The following C8orf34 variants were observed in gnomAD, a reference collection of about 807,000 sequenced individuals.
The protein encoded by C8orf34 is chromosome 8 open reading frame 34.
Under a neutral mutation model 68.3 loss-of-function variants are expected in C8orf34, and 65 were observed. That is an observed-to-expected ratio of 0.95 (90% CI 0.78 to 1.17). C8orf34 has a LOEUF of 1.17. Among genes scored for constraint, C8orf34 ranks in the 50% most tolerant of loss-of-function variants. C8orf34 has a pLI of 0.00. For synonymous variants in C8orf34, 244 were observed against 241.2 expected (o/e 1.01, Z -0.11); for missense variants, 664 against 655.4 (o/e 1.01, Z -0.14).
chr8:68,695,471 C>T (rs1463476555), intron 8 of C8orf34, among the ~76,000 whole-genome samples: 1 of 152,062 alleles, frequency 6.6e-6, no homozygotes, highest in African/African-American at 2.4e-5. Context: ...TTTATAAGTA[C>T]ATCTTCAATG....
chr8:68,499,813 A>G (rs898570408), intron 5 of C8orf34, among the ~76,000 whole-genome samples: 2 of 152,172 alleles, frequency 1.3e-5, no homozygotes, highest in Non-Finnish European at 2.9e-5. Context: ...GAATATTGAT[A>G]TAGGATGTTT....
chr8:68,731,984 T>A (rs545442699), intron 10 of C8orf34, among the ~76,000 whole-genome samples: 2 of 152,344 alleles, frequency 1.3e-5, no homozygotes, highest in South Asian at 4.1e-4. Context: ...AGCAGCCTAT[T>A]CTGGGTTCAC....
chr8:68,753,712 A>T (rs1822769117), intron 10 of C8orf34, among the ~76,000 whole-genome samples: 1 of 152,226 alleles, frequency 6.6e-6, no homozygotes, highest in Non-Finnish European at 1.5e-5. Context: ...AATGTAGTTT[A>T]CTGAGATAGG....
intron 7 of C8orf34, chr8:68,535,838 GAT>G (rs1489980552): frequency 1.0e-6 from 1 of 978,070 alleles, no homozygotes; most frequent in African/African-American, 1.8e-5. Flanking sequence ...GAATTTTTAA[GAT>G]ATAATCATTT....
At chr8:68,743,527 C>A (rs538551898) in intron 10 of C8orf34, among the ~76,000 whole-genome samples, 12 of 152,296 alleles carry the variant, frequency 7.9e-5, no homozygotes, top group Admixed American at 5.2e-4. Flanking sequence ...TGGGTGCGCA[C>A]ACCGTGCGCA....
intron 12 of C8orf34, among the ~76,000 whole-genome samples, chr8:68,807,309 G>A (rs1824515865): frequency 6.6e-6 from 1 of 152,158 alleles, no homozygotes; most frequent in Non-Finnish European, 1.5e-5. Flanking sequence ...TTACACATAT[G>A]CTAGACATTC....
At chr8:68,534,133 A>G in intron 7 of C8orf34, 1 of 984,836 alleles carries the variant, frequency 1.0e-6, no homozygotes, top group African/African-American at 1.7e-5. Context: ...TATATTGCTT[A>G]TCATTTTTGC....
chr8:68,485,520 T>C (rs922880644), intron 4 of C8orf34, among the ~76,000 whole-genome samples: 1 of 151,934 alleles, frequency 6.6e-6, no homozygotes, highest in African/African-American at 2.4e-5. Flanking sequence ...GAGACCAGCC[T>C]GGTCAACATG....
chr8:68,475,752 A>G (rs2129630465), intron 4 of C8orf34, among the ~76,000 whole-genome samples: 1 of 152,350 alleles, frequency 6.6e-6, no homozygotes, highest in Middle Eastern at 3.4e-3. Context: ...TTCGTGAGGC[A>G]CTATTCCCAG....
chr8:68,367,903 AAAAG>A (rs1807358850), intron 1 of C8orf34, among the ~76,000 whole-genome samples: 1 of 113,282 alleles, frequency 8.8e-6, no homozygotes, highest in African/African-American at 3.4e-5. Flanking sequence ...GTATAATAAA[AAAAG>A]AAAAGAAAAA....
At chr8:68,383,548 GT>G (rs1376372326) in intron 1 of C8orf34, among the ~76,000 whole-genome samples, 3 of 152,156 alleles carry the variant, frequency 2.0e-5, no homozygotes, top group African/African-American at 7.2e-5. Context: ...GGTCTAGAAT[GT>G]TTCTCTAAGG....
intron 9 of C8orf34, among the ~76,000 whole-genome samples, chr8:68,710,135 G>A (rs185583708): frequency 1.3e-5 from 2 of 152,218 alleles, no homozygotes; most frequent in African/African-American, 2.4e-5. Context: ...ACTAGATTGC[G>A]GCTCCCACTC....
At chr8:68,402,854 T>C (rs1002392015) in intron 1 of C8orf34, among the ~76,000 whole-genome samples, 1 of 152,150 alleles carries the variant, frequency 6.6e-6, no homozygotes, top group African/African-American at 2.4e-5. Flanking sequence ...TGGTGAGAAC[T>C]CCATATGAAT....
chr8:68,751,856 A>G (rs913906331), intron 10 of C8orf34, among the ~76,000 whole-genome samples: 2 of 150,814 alleles, frequency 1.3e-5, no homozygotes, highest in Non-Finnish European at 3.0e-5. Context: ...TTTATAAAAT[A>G]TAAAATATAT....
At position 68,818,754 on chromosome 8, in the gene C8orf34, G is replaced by GAAGTAT. The variant is rs1824893537; in HGVS notation, c.*510_*515dup. The GAAGTAT allele has an allele frequency of 1.3e-5, 2 of 152,300 alleles. No individual in the cohort carries two copies. Among genetic ancestry groups the GAAGTAT allele is most frequent in the African/African-American group, 4.8e-5 (2 of 41,402 alleles). The allele number at this position is 152,300 out of a possible 1,614,324, so 9.4% of individuals were successfully genotyped here. The stretch of plus-strand genomic sequence containing the variant: ...CCATACATGTTGTGTGCAGCAGTGA[G>GAAGTAT]AAGTATATTCTCTACCACTGCTCTT... On this transcript the variant is annotated 3_prime_UTR_variant, in exon 14 of 14. Coordinates refer to ENST00000518698, the MANE Select transcript of C8orf34 (RefSeq NM_052958.4).
intron 7 of C8orf34, among the ~76,000 whole-genome samples, chr8:68,626,066 AT>A (rs556396663): frequency 6.6e-6 from 1 of 152,174 alleles, no homozygotes; most frequent in African/African-American, 2.4e-5. Context: ...TATTAGTTTG[AT>A]TTTTTTGCAA....
At chr8:68,444,732 G>A (rs892412883) in intron 2 of C8orf34, among the ~76,000 whole-genome samples, 1 of 152,060 alleles carries the variant, frequency 6.6e-6, no homozygotes, top group South Asian at 2.1e-4. Flanking sequence ...CAATGAACTG[G>A]ATAAAAATAT....
At chr8:68,655,761 C>G (rs1359715955) in intron 8 of C8orf34, among the ~76,000 whole-genome samples, 1 of 152,142 alleles carries the variant, frequency 6.6e-6, no homozygotes, top group Non-Finnish European at 1.5e-5. Context: ...CGAGGAGCAT[C>G]TGTTTAGGGG....
chr8:68,399,059 A>G (rs1434650516), intron 1 of C8orf34, among the ~76,000 whole-genome samples: 3 of 152,112 alleles, frequency 2.0e-5, no homozygotes, highest in Non-Finnish European at 4.4e-5. Flanking sequence ...TATGTCACCC[A>G]TCCTATCTTT....
Sources: allele counts gnomAD v4.1 joint callset (sites outside exome capture counted in the v4.1 genomes callset), GRCh38; gene constraint gnomAD v4.1.1; transcripts MANE v1.5; gene names NCBI Gene and HGNC (gene_info 2026-07-23, HGNC 2026-07-21).